Variants in SND1 observed in about 807,000 individuals in gnomAD.
SND1 encodes the protein staphylococcal nuclease domain-containing protein 1.
In SND1, 38 loss-of-function variants were observed where a neutral mutation model predicts 121.7. The observed-to-expected ratio is 0.31, with a 90% CI of 0.24 to 0.41. The LOEUF (loss-of-function observed/expected upper bound fraction) is 0.41. Among genes scored for constraint, SND1 ranks in the 10% least tolerant of loss-of-function variants. The pLI, the probability that SND1 is intolerant of heterozygous loss-of-function variation, is 1.00. For missense variants in SND1, 868 were observed against 1,184.6 expected, an observed-to-expected ratio of 0.73 and a Z score of 3.92; for synonymous variants, 401 against 447.4, an observed-to-expected ratio of 0.90 and a Z score of 1.31.
intron 10 of SND1, among the ~76,000 whole-genome samples, chr7:127,746,704 A>G (rs1474455479): frequency 6.6e-6 from 1 of 152,064 alleles, no homozygotes; most frequent in East Asian, 1.9e-4. Flanking sequence ...ATGAACATTC[A>G]TCTTTTGAGT....
rs140814141 is a variant in SND1 at position 127,668,690 on chromosome 7, G to A, written c.78+16239G>A. Among the ~76,000 whole-genome samples the A allele has an allele frequency of 6.6e-5, 10 of 152,256 alleles. No individual in the cohort carries two copies. In the East Asian group the frequency reaches 1.9e-3, roughly 29 times the overall value. ...ATTTTTGCTCAAGTGAATGAAAGCC[G>A]AACCCCTAAGAGCATGTACTGCACT... On this transcript the variant is annotated intron_variant, in intron 1 of 23. Coordinates refer to ENST00000354725, the MANE Select transcript of SND1 (RefSeq NM_014390.4).
chr7:127,858,299 C>T, intron 12 of SND1: 2 of 954,912 alleles, frequency 2.1e-6, no homozygotes, highest in Non-Finnish European at 1.6e-6. Context: ...GGAACTGGGT[C>T]ACCCAGGCCC....
intron 2 of SND1, 23 bp downstream of exon 2, chr7:127,686,785 G>A (rs368599992): frequency 2.5e-4 from 409 of 1,604,442 alleles, no homozygotes; most frequent in South Asian, 1.1e-3. Context: ...TGAGGCCATC[G>A]TGAGCCTGTG....
At chr7:127,801,146 G>T (rs997296163) in intron 10 of SND1, among the ~76,000 whole-genome samples, 1 of 152,186 alleles carries the variant, frequency 6.6e-6, no homozygotes, top group Non-Finnish European at 1.5e-5. Context: ...AGAGGTATGT[G>T]TGTTACCACC....
chr7:127,738,273 C>CTT (rs869045037), intron 10 of SND1, among the ~76,000 whole-genome samples: 9 of 131,908 alleles, frequency 6.8e-5, no homozygotes, highest in African/African-American at 2.2e-4. Flanking sequence ...AAAGGTGTTT[C>CTT]TTTTTTTTTT....
At chr7:127,781,511 G>A (rs1407577179) in intron 10 of SND1, among the ~76,000 whole-genome samples, 4 of 152,124 alleles carry the variant, frequency 2.6e-5, no homozygotes, top group African/African-American at 9.7e-5. Context: ...ATGCCAAGTT[G>A]CTGGGGCAGA....
intron 2 of SND1, among the ~76,000 whole-genome samples, chr7:127,693,415 A>T (rs186954796): frequency 1.3e-5 from 2 of 152,324 alleles, no homozygotes; most frequent in Admixed American, 1.3e-4. Flanking sequence ...ACCCTTACTG[A>T]GGATCAGTTC....
chr7:127,881,307 C>T (rs1326752754), intron 12 of SND1, among the ~76,000 whole-genome samples: 1 of 152,134 alleles, frequency 6.6e-6, no homozygotes, highest in Non-Finnish European at 1.5e-5. Flanking sequence ...ATGATTCCCT[C>T]CATGCTATGC....
chr7:127,774,508 C>T (rs1449704719), intron 10 of SND1, among the ~76,000 whole-genome samples: 1 of 152,188 alleles, frequency 6.6e-6, no homozygotes, highest in Non-Finnish European at 1.5e-5. Flanking sequence ...AAATTAACTT[C>T]CCTTGTTGCC....
chr7:127,901,170 G>A (rs1447478172), intron 13 of SND1, among the ~76,000 whole-genome samples: 1 of 152,172 alleles, frequency 6.6e-6, no homozygotes, highest in East Asian at 1.9e-4. Context: ...CAGAGAAACT[G>A]GGTTATGTGA....
intron 14 of SND1, among the ~76,000 whole-genome samples, chr7:127,907,204 TTA>T (rs1240558317): frequency 6.6e-6 from 1 of 152,178 alleles, no homozygotes; most frequent in African/African-American, 2.4e-5. Context: ...GGTGCCCTCT[TTA>T]ATAGAGGAGT....
Position 128,052,232 on chromosome 7 carries a change from G to A in SND1, c.1780-22270G>A, listed in dbSNP as rs183216156. On this transcript the variant is annotated intron_variant, in intron 16 of 23. Transcript: ENST00000354725. The surrounding 1 kb of genome is among the most constrained non-coding windows in gnomAD (Gnocchi z 4.6). ...AGGACGGAAGGCTGGGGCTGCCAGTGGTCCATTTCTTCTGCCTGGACTTAG... is the reference window on the plus strand; with the variant it reads ...AGGACGGAAGGCTGGGGCTGCCAGTAGTCCATTTCTTCTGCCTGGACTTAG... 2.0e-5 allele frequency among the ~76,000 whole-genome samples: 3 copies of A among 152,256 alleles called. No homozygotes were observed. The highest frequency in any genetic ancestry group is 6.5e-5 in the Admixed American group (1 of 15,288).
intron 11 of SND1, among the ~76,000 whole-genome samples, chr7:127,835,581 C>G (rs2116631484): frequency 6.7e-6 from 1 of 149,370 alleles, no homozygotes; most frequent in South Asian, 2.1e-4. Context: ...GACATTCCTC[C>G]TTAGGGACAA....
chr7:127,754,616 A>C (rs1376976858), intron 10 of SND1, among the ~76,000 whole-genome samples: 1 of 152,210 alleles, frequency 6.6e-6, no homozygotes, highest in Non-Finnish European at 1.5e-5. Context: ...GGCCACTCCC[A>C]AATCCACCAG....
intron 15 of SND1, among the ~76,000 whole-genome samples, chr7:127,968,039 G>T (rs191278197): frequency 2.0e-5 from 3 of 152,172 alleles, no homozygotes; most frequent in Non-Finnish European, 2.9e-5. Context: ...GCTCTGCGAG[G>T]TTATTAATTG....
In SND1 at chr7:127,731,844, A is replaced by G. The variant is rs3808094; in HGVS notation, c.1152+10444A>G. On this transcript the variant is annotated intron_variant, in intron 10 of 23. Transcript: ENST00000354725. ...ATATGTCTCAATCCTAAAAGATACA[A>G]ATTAGTCCCAGAGTACCTGATACCG... 2.3e-3 allele frequency among the ~76,000 whole-genome samples: 352 copies of G among 152,340 alleles called. 4 individuals carry two copies. In the East Asian group the frequency reaches 0.046, roughly 20 times the overall value.
intron 15 of SND1, among the ~76,000 whole-genome samples, chr7:127,970,685 C>A (rs190049891): frequency 3.5e-4 from 54 of 152,228 alleles, no homozygotes; most frequent in Admixed American, 6.5e-4. Flanking sequence ...TGCTGTTAAT[C>A]CCTTTTCAAT....
chr7:127,669,931 C>CA (rs1375145214), intron 1 of SND1, among the ~76,000 whole-genome samples: 2 of 150,304 alleles, frequency 1.3e-5, no homozygotes, highest in African/African-American at 2.4e-5. Flanking sequence ...AGCATCTTTT[C>CA]TTTTTTTTTC....
chr7:127,944,857 G>A lies in SND1; in HGVS notation c.1669+15528G>A, dbSNP rs139219071. 2.7e-3 allele frequency among the ~76,000 whole-genome samples: 408 copies of A among 152,234 alleles called. 4 individuals are homozygous for A. The highest frequency in any genetic ancestry group is 2.3e-3 in the Non-Finnish European group (154 of 67,990). On this transcript the variant is annotated intron_variant, in intron 15 of 23. Transcript: ENST00000354725. Reference sequence around the variant, plus strand: ...ACTTTTCAGAGGGTAATGCCACCTCGTATAATTTCTTCTTATCACATATTC... The same window carrying A: ...ACTTTTCAGAGGGTAATGCCACCTCATATAATTTCTTCTTATCACATATTC...
Sources: allele counts gnomAD v4.1 joint callset (sites outside exome capture counted in the v4.1 genomes callset), GRCh38; gene constraint gnomAD v4.1.1; non-coding constraint Gnocchi (gnomAD v3.1); transcripts MANE v1.5; gene names NCBI Gene and HGNC (gene_info 2026-07-23, HGNC 2026-07-21).